PSD3: variants seen among roughly 807,000 people sequenced by gnomAD.
PSD3 encodes PH and SEC7 domain-containing protein 3.
PSD3 carries 49 observed loss-of-function variants against 105.5 expected under a neutral mutation model. The observed-to-expected ratio is 0.46, with a 90% CI of 0.37 to 0.59. The LOEUF is 0.59. PSD3 is among the 20% of genes least tolerant of loss of function. The pLI is 0.00. For missense variants in PSD3, 1,561 were observed against 1,263.8 expected (o/e 1.24, Z -3.57); for synonymous variants, 557 against 457.8 (o/e 1.22, Z -2.77).
chr8:18,663,334 G>A (rs1410991217), intron 9 of PSD3, among the ~76,000 whole-genome samples: 1 of 152,022 alleles, frequency 6.6e-6, no homozygotes, highest in Non-Finnish European at 1.5e-5. Flanking sequence ...GCTGATGCAG[G>A]AGGATTGCTT....
intron 1 of PSD3, among the ~76,000 whole-genome samples, chr8:18,945,369 G>A (rs1288463450): frequency 6.6e-6 from 1 of 152,202 alleles, no homozygotes; most frequent in African/African-American, 2.4e-5. Flanking sequence ...TAGAGCCAGA[G>A]ATAAGATACT....
chr8:19,071,120 T>C (rs1030013267), intron 1 of PSD3, among the ~76,000 whole-genome samples: 3 of 151,704 alleles, frequency 2.0e-5, no homozygotes, highest in Admixed American at 2.0e-4. Context: ...AGAGCAATGG[T>C]GCAATCTCGG....
intron 11 of PSD3, among the ~76,000 whole-genome samples, chr8:18,627,745 A>G (rs1806599013): frequency 6.6e-6 from 1 of 151,886 alleles, no homozygotes; most frequent in African/African-American, 2.4e-5. Context: ...TAAAAGTAGC[A>G]CCTGAAAAAT....
At chr8:18,622,275 C>T (rs560398010) in intron 11 of PSD3, among the ~76,000 whole-genome samples, 4 of 152,256 alleles carry the variant, frequency 2.6e-5, no homozygotes, top group African/African-American at 9.6e-5. Context: ...ACACAATTAG[C>T]CTCCTTTGAT....
intron 1 of PSD3, among the ~76,000 whole-genome samples, chr8:18,948,301 G>T (rs1409992247): frequency 1.3e-5 from 2 of 152,080 alleles, no homozygotes; most frequent in African/African-American, 4.8e-5. Flanking sequence ...CATCTTACTG[G>T]CTACAGACTC....
At chr8:18,777,147 A>G (rs1032390412) in intron 8 of PSD3, among the ~76,000 whole-genome samples, 8 of 152,030 alleles carry the variant, frequency 5.3e-5, no homozygotes, top group African/African-American at 1.5e-4. Context: ...GGTTCAAGCA[A>G]TTCTTGTGCC....
intron 10 of PSD3, among the ~76,000 whole-genome samples, chr8:18,654,301 T>C (rs1403234908): frequency 2.6e-5 from 4 of 152,218 alleles, no homozygotes; most frequent in African/African-American, 4.8e-5. Flanking sequence ...TTAACCCATG[T>C]TCCTCCAACG....
At chr8:19,025,209 A>T (rs1424559618) in intron 1 of PSD3, among the ~76,000 whole-genome samples, 1 of 152,118 alleles carries the variant, frequency 6.6e-6, no homozygotes, top group Non-Finnish European at 1.5e-5. Context: ...CCTAAATCAC[A>T]CACCCACTAG....
At chr8:18,930,773 T>G (rs1821699185) in intron 2 of PSD3, among the ~76,000 whole-genome samples, 2 of 152,114 alleles carry the variant, frequency 1.3e-5, no homozygotes, top group Admixed American at 6.5e-5. Flanking sequence ...TTTCACCATG[T>G]TGGCCAGGAT....
At chr8:18,706,833 T>C (rs1801933383) in intron 9 of PSD3, among the ~76,000 whole-genome samples, 1 of 152,188 alleles carries the variant, frequency 6.6e-6, no homozygotes, top group South Asian at 2.1e-4. Context: ...GTATACCATA[T>C]TATATGGTTT....
intron 9 of PSD3, among the ~76,000 whole-genome samples, chr8:18,727,588 GCACA>G (rs1217052315): frequency 5.0e-5 from 6 of 119,898 alleles, no homozygotes; most frequent in African/African-American, 1.9e-4. Context: ...ACACACGCAC[GCACA>G]CACACACCCC....
At chr8:18,951,495 T>C (rs1402306475) in intron 1 of PSD3, among the ~76,000 whole-genome samples, 1 of 152,170 alleles carries the variant, frequency 6.6e-6, no homozygotes, top group Non-Finnish European at 1.5e-5. Flanking sequence ...ACAGCCACCA[T>C]TCCTACAACA....
intron 1 of PSD3, among the ~76,000 whole-genome samples, chr8:19,066,778 A>G (rs542198121): frequency 1.3e-5 from 2 of 152,336 alleles, no homozygotes; most frequent in South Asian, 2.1e-4. Flanking sequence ...CAACATGCCC[A>G]CCCACCCATA....
upstream of PSD3, among the ~76,000 whole-genome samples, chr8:19,018,434 C>T (rs1292987574): frequency 6.6e-6 from 1 of 151,660 alleles, no homozygotes; most frequent in African/African-American, 2.4e-5. Flanking sequence ...TTACATTTGT[C>T]AAAACTCATA....
intron 14 of PSD3, among the ~76,000 whole-genome samples, chr8:18,567,822 G>A (rs1801888273): frequency 1.3e-5 from 2 of 152,168 alleles, no homozygotes; most frequent in Admixed American, 6.5e-5. Context: ...CAATGATATA[G>A]TTTGGATGCT....
In PSD3 at chr8:18,644,508, A is replaced by T. The variant is rs1006809777; in HGVS notation, c.2216+11134T>A. Among the ~76,000 whole-genome samples the T allele has an allele frequency of 2.6e-5, 4 of 152,128 alleles. No homozygotes were observed. The East Asian group carries it at 5.8e-4, about 22-fold the overall frequency. On this transcript the variant is annotated intron_variant, in intron 10 of 15. Coordinates refer to ENST00000327040, the MANE Select transcript of PSD3 (RefSeq NM_015310.4). ...TCCAGTTTCAAATACCTTGTTCTTCATTTCTACCTGAGACCTCATCAAAAT... is the reference window on the plus strand; with the variant it reads ...TCCAGTTTCAAATACCTTGTTCTTCTTTTCTACCTGAGACCTCATCAAAAT...
At chr8:18,566,707 A>C (rs1404544140) in intron 14 of PSD3, among the ~76,000 whole-genome samples, 1 of 152,174 alleles carries the variant, frequency 6.6e-6, no homozygotes, top group South Asian at 2.1e-4. Context: ...CTTGTCTTAC[A>C]TGATACTGCA....
chr8:18,641,342 G>T (rs915429314), intron 10 of PSD3, among the ~76,000 whole-genome samples: 2 of 152,178 alleles, frequency 1.3e-5, no homozygotes, highest in East Asian at 1.9e-4. Flanking sequence ...GCTCTAAGTT[G>T]CCAGGCAGTG....
At chr8:18,585,378 C>T (rs1244967193) in intron 12 of PSD3, among the ~76,000 whole-genome samples, 3 of 152,106 alleles carry the variant, frequency 2.0e-5, no homozygotes, top group Non-Finnish European at 4.4e-5. Flanking sequence ...AGTGCAATGA[C>T]CCAATCTTGA....
Sources: allele counts gnomAD v4.1 joint callset (sites outside exome capture counted in the v4.1 genomes callset), GRCh38; gene constraint gnomAD v4.1.1; transcripts MANE v1.5; gene names NCBI Gene and HGNC (gene_info 2026-07-23, HGNC 2026-07-21).